The following PDE4DIP variants were observed in gnomAD, a reference collection of about 807,000 sequenced individuals.
PDE4DIP encodes the protein phosphodiesterase 4D interacting protein.
Under a neutral mutation model 221.4 loss-of-function variants are expected in PDE4DIP, and 59 were observed. The observed-to-expected ratio is 0.27, with a 90% CI of 0.22 to 0.33. PDE4DIP has a LOEUF of 0.33. Among genes scored for constraint, PDE4DIP ranks in the 10% least tolerant of loss-of-function variants. The pLI is 1.00. For missense variants in PDE4DIP, 1,036 were observed against 2,154.2 expected (o/e 0.48, Z 10.28); for synonymous variants, 404 against 815.9 (o/e 0.50, Z 8.60).
chr1:148,910,895 C>G lies in PDE4DIP; in HGVS notation c.142-18302C>G, dbSNP rs2042639979. ...ATTTCTCAAAGAATTTAAAAGAGAA[C>G]TACCATTTGACCCAGGAATCCCATT... On this transcript the variant is annotated intron_variant, in intron 1 of 43. Transcript: ENST00000369354. Among the ~76,000 whole-genome samples the G allele has an allele frequency of 3.8e-5, 4 of 105,260 alleles. 2 individuals are homozygous for G. The highest frequency in any genetic ancestry group is 1.7e-4 in the African/African-American group (4 of 23,922). The allele number at this position is 105,260 out of a possible 152,430, so 69.1% of individuals were successfully genotyped here.
chr1:148,893,188 G>A (rs1293688188), intron 1 of PDE4DIP, among the ~76,000 whole-genome samples: 18 of 142,476 alleles, frequency 1.3e-4, no homozygotes, highest in Admixed American at 2.1e-4. Flanking sequence ...CTGGGCTCAA[G>A]TGATCTTCCC....
intron 2 of PDE4DIP, 92 bp downstream of exon 5, chr1:148,929,365 G>A (rs1327673072): frequency 2.8e-6 from 4 of 1,433,818 alleles, no homozygotes; most frequent in African/African-American, 1.4e-5. Flanking sequence ...TAACCTATCT[G>A]TGGCATTTGA....
At chr1:148,920,267 A>G (rs1328134567) in intron 1 of PDE4DIP, among the ~76,000 whole-genome samples, 1 of 126,954 alleles carries the variant, frequency 7.9e-6, no homozygotes, top group Admixed American at 8.1e-5. Flanking sequence ...TGAGTAGCTG[A>G]ATAGCTGAGT....
intron 43 of PDE4DIP, among the ~76,000 whole-genome samples, chr1:149,031,383 G>T (rs587775321): frequency 1.3e-5 from 2 of 150,118 alleles, no homozygotes; most frequent in African/African-American, 2.5e-5. Context: ...ACTAACTGCT[G>T]TGTGGCTTTG....
chr1:148,955,845 T>C (rs587596382), intron 5 of PDE4DIP, among the ~76,000 whole-genome samples: 92 of 151,934 alleles, frequency 6.1e-4, no homozygotes, highest in African/African-American at 2.2e-3. Flanking sequence ...TTGACTTACA[T>C]TGTTTACTGT....
intron 9 of PDE4DIP, 132 bp from the exon 13 acceptor site, chr1:148,965,352 C>T: frequency 4.7e-6 from 3 of 636,348 alleles, no homozygotes; most frequent in East Asian, 2.6e-5. Context: ...TATAATACTT[C>T]TATAGCAATT....
chr1:148,988,123 T>C (rs1440762181), intron 21 of PDE4DIP, among the ~76,000 whole-genome samples: 4 of 152,126 alleles, frequency 2.6e-5, no homozygotes, highest in Admixed American at 2.0e-4. Flanking sequence ...GGGAAACAAG[T>C]ATTCAGAAAT....
chr1:148,934,556 G>A (rs782819567), intron 4 of PDE4DIP, among the ~76,000 whole-genome samples: 63 of 152,110 alleles, frequency 4.1e-4, no homozygotes, highest in Non-Finnish European at 7.5e-4. Flanking sequence ...CCTCCTTCTC[G>A]TCATCATTGC....
intron 19 of PDE4DIP, among the ~76,000 whole-genome samples, chr1:148,979,050 A>AG (rs782535013): frequency 1.3e-5 from 2 of 151,678 alleles, no homozygotes; most frequent in South Asian, 2.1e-4. Context: ...AAAAAAAAAA[A>AG]AGAGAAAGAA....
exon 38 of PDE4DIP, chr1:149,024,517 C>T: frequency 3.1e-6 from 3 of 961,762 alleles, no homozygotes; most frequent in Non-Finnish European, 4.8e-6. Flanking sequence ...GAGGTACGAG[C>T]TCTGAGAGGG....
intron 33 of PDE4DIP, among the ~76,000 whole-genome samples, chr1:149,016,809 C>G (rs1287970594): frequency 6.6e-6 from 1 of 152,292 alleles, no homozygotes; most frequent in Non-Finnish European, 1.5e-5. Context: ...TCCTTCCATC[C>G]CTCTGCAGCC....
intron 21 of PDE4DIP, chr1:148,985,178 T>G (rs1240253996): frequency 6.6e-6 from 1 of 152,160 alleles, no homozygotes; most frequent in African/African-American, 2.4e-5. Context: ...CTCTCAGGGT[T>G]AAAGCTCAGT....
intron 1 of PDE4DIP, among the ~76,000 whole-genome samples, chr1:148,927,655 C>T (rs1471592949): frequency 1.3e-5 from 2 of 151,636 alleles, no homozygotes; most frequent in Non-Finnish European, 2.9e-5. Flanking sequence ...ACTTTTCATA[C>T]TTTAGCTACT....
At chr1:148,946,489 G>A (rs1367521135) in intron 5 of PDE4DIP, among the ~76,000 whole-genome samples, 4 of 143,016 alleles carry the variant, frequency 2.8e-5, no homozygotes, top group South Asian at 2.4e-4. Context: ...GCAGTGAGTC[G>A]AGATTGTGCC....
In PDE4DIP at chr1:148,983,705, C is replaced by G. The variant is rs1222465110; in HGVS notation, c.2815+2308C>G. 2.0e-5 allele frequency: 3 copies of G among 152,458 alleles called. No individual in the cohort carries two copies. The East Asian group carries it at 5.8e-4, about 29-fold the overall frequency. The allele number at this position is 152,458 out of a possible 1,614,324, so 9.4% of individuals were successfully genotyped here. A position where few individuals can be genotyped will look rare whatever the true frequency, so the allele number is the denominator to read the frequency against. ...ACAGGAGCACAGACTCTTTCTCATA[C>G]TGGATTATTTTACCTTTGACAGTCA... is the stretch of plus-strand genomic sequence containing the variant. On this transcript the variant is annotated intron_variant, in intron 21 of 43. Transcript: ENST00000369354.
intron 1 of PDE4DIP, among the ~76,000 whole-genome samples, chr1:148,912,452 T>C (rs1553455108): frequency 7.8e-6 from 1 of 127,880 alleles, no homozygotes; most frequent in Non-Finnish European, 1.6e-5. Context: ...ACCAAAAAAG[T>C]TTCCATATGT....
chr1:148,964,134 A>T (rs1475264853), intron 9 of PDE4DIP, among the ~76,000 whole-genome samples: 1 of 123,168 alleles, frequency 8.1e-6, no homozygotes. Context: ...TTTGAGACAG[A>T]GTTTTGCTCT....
chr1:149,023,093 C>T (rs2073629892), intron 37 of PDE4DIP, among the ~76,000 whole-genome samples: 1 of 152,274 alleles, frequency 6.6e-6, no homozygotes, highest in Non-Finnish European at 1.5e-5. Flanking sequence ...GCTACCTTTC[C>T]TTTCATGCTT....
chr1:148,938,783 C>T (rs587659748), intron 5 of PDE4DIP, among the ~76,000 whole-genome samples: 1 of 151,742 alleles, frequency 6.6e-6, no homozygotes, highest in African/African-American at 2.4e-5. Context: ...AGAAATTTGC[C>T]TCCAAAAAAA....
Sources: gnomAD v4.1 joint callset for allele counts (sites outside exome capture counted in the v4.1 genomes callset) on GRCh38, gnomAD v4.1.1 for gene constraint, MANE v1.5 for transcripts, NCBI Gene and HGNC (gene_info 2026-07-23, HGNC 2026-07-21) for gene names.